CORIN: variants seen among roughly 807,000 people sequenced by gnomAD.
CORIN encodes the protein corin, serine peptidase, also known as atrial natriuretic peptide-converting enzyme.
A neutral mutation model predicts 125.3 loss-of-function variants in CORIN; 117 were observed. That is an observed-to-expected ratio of 0.93 (90% confidence interval 0.80 to 1.09). CORIN has a LOEUF of 1.09. CORIN is among the 50% of genes least tolerant of loss of function. The pLI is 0.00. For missense variants in CORIN, 1,253 were observed against 1,306.7 expected (o/e 0.96, Z 0.63); for synonymous variants, 450 against 466.4 (o/e 0.96, Z 0.45).
rs1285374660 is a variant in CORIN, at chr4:47,603,519, T to C, written c.2690A>G (p.Glu897Gly). The change falls in exon 20 of 22, where the codon GAG (glutamate) becomes GGG (glycine). Residue 897 changes from glutamate to glycine, a missense_variant. Glu to Gly is a moderately conservative substitution (Grantham distance 98). Coordinates refer to ENST00000273857, the MANE Select transcript of CORIN (RefSeq NM_006587.4). ...AGTCTCACTGATGTCTTCACTCAGC[T>C]CAACGATGCTGATGTCATAGTCCAC... ...AVVDYDISIV[E>G]LSEDISETGY... 3.7e-6 allele frequency: 6 copies of C among 1,614,052 alleles called. No individual in the cohort carries two copies. Among genetic ancestry groups the C allele is most frequent in the African/African-American group, 1.3e-5 (1 of 74,926 alleles).
intron 2 of CORIN, among the ~76,000 whole-genome samples, chr4:47,791,006 T>C (rs1025204633): frequency 2.0e-5 from 3 of 152,180 alleles, no homozygotes; most frequent in Non-Finnish European, 2.9e-5. Flanking sequence ...GATTGGGCAC[T>C]GTGGTAGACA....
intron 5 of CORIN, among the ~76,000 whole-genome samples, chr4:47,714,463 A>G: frequency 6.6e-6 from 1 of 152,250 alleles, no homozygotes; most frequent in East Asian, 1.9e-4. Context: ...AATGCTGGAG[A>G]GTAAACATGA....
intron 5 of CORIN, among the ~76,000 whole-genome samples, chr4:47,717,156 C>T (rs6814632): frequency 0.099 from 15,104 of 152,190 alleles, 885 homozygotes; most frequent in East Asian, 0.27. Flanking sequence ...CTCAGAACCA[C>T]AGTTTTTTCT....
At chr4:47,713,715 T>C (rs574897466) in intron 5 of CORIN, among the ~76,000 whole-genome samples, 34 of 152,250 alleles carry the variant, frequency 2.2e-4, no homozygotes, top group Admixed American at 8.5e-4. Flanking sequence ...CCAGTAACTG[T>C]ACCCCTCCAC....
At chr4:47,834,421 G>A (rs1186317121) in intron 1 of CORIN, among the ~76,000 whole-genome samples, 1 of 152,166 alleles carries the variant, frequency 6.6e-6, no homozygotes, top group Non-Finnish European at 1.5e-5. Context: ...CATAGAAGCA[G>A]AGAGTGGAAT....
chr4:47,599,598 G>T (rs547710294), intron 21 of CORIN, among the ~76,000 whole-genome samples: 1 of 152,070 alleles, frequency 6.6e-6, no homozygotes, highest in Admixed American at 6.6e-5. Context: ...AAAATAAAAA[G>T]GCACCTCTAC....
intron 10 of CORIN, among the ~76,000 whole-genome samples, chr4:47,665,649 CACTAA>C (rs766084008): frequency 3.0e-4 from 46 of 152,308 alleles, no homozygotes; most frequent in Non-Finnish European, 5.0e-4. Context: ...TCTTCACTGT[CACTAA>C]ACTAATTAAT....
intron 6 of CORIN, among the ~76,000 whole-genome samples, chr4:47,685,811 C>T (rs1008267301): frequency 6.6e-6 from 1 of 151,132 alleles, no homozygotes; most frequent in South Asian, 2.1e-4. Flanking sequence ...AGAAAATAGG[C>T]GGAATTTCAA....
chr4:47,712,258 T>C (rs186735474), intron 5 of CORIN, among the ~76,000 whole-genome samples: 2 of 152,298 alleles, frequency 1.3e-5, no homozygotes, highest in East Asian at 1.9e-4. Flanking sequence ...TATATGATAA[T>C]ATAATGTCAT....
In CORIN at chr4:47,807,760, A is replaced by G. The variant is rs145211890; in HGVS notation, c.64-713T>C. ...AAATGCTTCAAATTTTGCTTAGTTC[A>G]ATCTCTTGCCAGAAATGATATCTGG... On this transcript the variant is annotated intron_variant, in intron 1 of 21. Coordinates refer to ENST00000273857, the MANE Select transcript of CORIN (RefSeq NM_006587.4). Among the ~76,000 whole-genome samples the G allele has an allele frequency of 2.6e-3, 400 of 152,302 alleles. 5 individuals carry two copies. Among genetic ancestry groups the G allele is most frequent in the African/African-American group, 9.1e-3 (377 of 41,560 alleles).
chr4:47,709,966 T>A (rs1267401596), intron 5 of CORIN, among the ~76,000 whole-genome samples: 1 of 152,240 alleles, frequency 6.6e-6, no homozygotes, highest in African/African-American at 2.4e-5. Flanking sequence ...AATTTTAGTA[T>A]GTCTAGAGTT....
At chr4:47,705,724 C>T (rs966975839) in intron 5 of CORIN, among the ~76,000 whole-genome samples, 5 of 152,122 alleles carry the variant, frequency 3.3e-5, no homozygotes, top group Non-Finnish European at 7.4e-5. Context: ...ATTCAAATTT[C>T]AGCAAAAGGG....
intron 13 of CORIN, among the ~76,000 whole-genome samples, chr4:47,651,271 A>G (rs1228116024): frequency 3.9e-5 from 6 of 152,274 alleles, no homozygotes; most frequent in Non-Finnish European, 8.8e-5. Context: ...CAAACACTTA[A>G]TAACACAACG....
chr4:47,746,005 G>A (rs1728646570), intron 4 of CORIN, among the ~76,000 whole-genome samples: 1 of 152,146 alleles, frequency 6.6e-6, no homozygotes, highest in Non-Finnish European at 1.5e-5. Context: ...TGTTGAAGAA[G>A]AGGTTTTGTA....
chr4:47,669,548 C>T (rs1023611705), intron 10 of CORIN, among the ~76,000 whole-genome samples: 1 of 138,118 alleles, frequency 7.2e-6, no homozygotes, highest in Non-Finnish European at 1.6e-5. Flanking sequence ...CACTTCCTTG[C>T]TCTTCTATAT....
chr4:47,606,660 C>A (rs969456197), intron 19 of CORIN, among the ~76,000 whole-genome samples: 4 of 148,344 alleles, frequency 2.7e-5, no homozygotes, highest in Non-Finnish European at 6.0e-5. Context: ...TCCCTCCTTC[C>A]TTCCTTCCTT....
rs145042366 is a variant in CORIN at position 47,744,554 on chromosome 4, C to G, written c.647G>C (p.Cys216Ser). Residue 216 changes from cysteine to serine, a missense_variant, in exon 5 of 22, where the codon TGT becomes TCT. By Grantham distance (112) the Cys-to-Ser change is moderately radical. Transcript: ENST00000273857. Reference protein sequence around the residue: ...SHGLLPCRSFCEAAKEGCESV... With the variant: ...SHGLLPCRSFSEAAKEGCESV... ...TTCACAGCCTTCTTTTGCAGCCTCACAGAAGGACCTACAGGGCAGGAGTCC... is the reference window on the plus strand; with the variant it reads ...TTCACAGCCTTCTTTTGCAGCCTCAGAGAAGGACCTACAGGGCAGGAGTCC... 5 of 1,602,008 alleles carry G rather than the reference C, an allele frequency of 3.1e-6. No individual in the cohort carries two copies. Among genetic ancestry groups the G allele is most frequent in the African/African-American group, 2.7e-5 (2 of 73,098 alleles).
At chr4:47,651,022 C>T (rs2109637334) in intron 13 of CORIN, among the ~76,000 whole-genome samples, 1 of 152,304 alleles carries the variant, frequency 6.6e-6, no homozygotes, top group East Asian at 1.9e-4. Flanking sequence ...TTACTGATTG[C>T]TAAATTCTAA....
chr4:47,768,221 ACT>A (rs1400364263), intron 3 of CORIN, among the ~76,000 whole-genome samples: 3 of 152,060 alleles, frequency 2.0e-5, no homozygotes, highest in East Asian at 1.9e-4. Context: ...CCCTTCGCTA[ACT>A]CTCTTTTCGG....
Sources: allele counts gnomAD v4.1 joint callset (sites outside exome capture counted in the v4.1 genomes callset), GRCh38; gene constraint gnomAD v4.1.1; transcripts MANE v1.5; gene names NCBI Gene and HGNC (gene_info 2026-07-23, HGNC 2026-07-21).